Variants in SLC38A12 observed in about 807,000 individuals in gnomAD.
The protein encoded by SLC38A12 is putative sodium-coupled neutral amino acid transporter 12.
chr17:74,817,322 C>T, the SLC38A12 span, among the ~76,000 whole-genome samples: 1 of 152,130 alleles, frequency 6.6e-6, no homozygotes, highest in Non-Finnish European at 1.5e-5. Context: ...GTCTGTACTC[C>T]TGAGCATGAA....
chr17:74,782,781 T>C, the SLC38A12 span, among the ~76,000 whole-genome samples: 1 of 152,124 alleles, frequency 6.6e-6, no homozygotes, highest in South Asian at 2.1e-4. Flanking sequence ...AACCAAAGCA[T>C]AGGAAGATGA....
At chr17:74,791,696 G>T in the SLC38A12 span, among the ~76,000 whole-genome samples, 2 of 152,374 alleles carry the variant, frequency 1.3e-5, no homozygotes, top group African/African-American at 2.4e-5. Flanking sequence ...TGCTGAGTGA[G>T]ACCGGAGCCC....
chr17:74,802,864 C>T, the SLC38A12 span, among the ~76,000 whole-genome samples: 14 of 152,088 alleles, frequency 9.2e-5, no homozygotes, highest in Admixed American at 4.6e-4. Context: ...ACTTCCTACC[C>T]GCAGCAAGCC....
At chr17:74,816,349 C>G in the SLC38A12 span, among the ~76,000 whole-genome samples, 2 of 152,324 alleles carry the variant, frequency 1.3e-5, no homozygotes, top group South Asian at 4.1e-4. Context: ...TCAGAGATTG[C>G]TGGAAGTCTG....
At chr17:74,791,157 A>G in the SLC38A12 span, 1 of 820,460 alleles carries the variant, frequency 1.2e-6, no homozygotes, top group Non-Finnish European at 1.9e-6. Context: ...AGCAGGTGGT[A>G]GAGCTGCTCC....
chr17:74,815,345 A>T, the SLC38A12 span, among the ~76,000 whole-genome samples: 1 of 152,172 alleles, frequency 6.6e-6, no homozygotes, highest in South Asian at 2.1e-4. Context: ...CGGCCTTGGG[A>T]TTGGCTGTGA....
chr17:74,787,628 CAA>C, the SLC38A12 span, among the ~76,000 whole-genome samples: 130 of 129,312 alleles, frequency 1.0e-3, no homozygotes, highest in South Asian at 7.7e-4. Context: ...GACTCCGTCT[CAA>C]AAAAAAAAAA....
the SLC38A12 span, among the ~76,000 whole-genome samples, chr17:74,800,672 T>C: frequency 3.3e-5 from 5 of 152,374 alleles, no homozygotes; most frequent in Admixed American, 6.5e-5. Flanking sequence ...CTGGGGACAC[T>C]GTGCCGCCTG....
chr17:74,811,610 A>G, the SLC38A12 span, among the ~76,000 whole-genome samples: 1 of 152,116 alleles, frequency 6.6e-6, no homozygotes, highest in Middle Eastern at 3.4e-3. Flanking sequence ...AGCCCCAGCT[A>G]CCTGGGAGGC....
the SLC38A12 span, among the ~76,000 whole-genome samples, chr17:74,830,352 G>A: frequency 6.6e-6 from 1 of 152,246 alleles, no homozygotes; most frequent in African/African-American, 2.4e-5. Context: ...CCGTTTGGCA[G>A]GTGTTCAGAG....
chr17:74,776,643 G>GGGCGA, the SLC38A12 span: 1 of 152,522 alleles, frequency 6.6e-6, no homozygotes, highest in Middle Eastern at 3.4e-3. Context: ...GGTTGGGGCG[G>GGGCGA]GGCGGGGCGG....
chr17:74,781,444 C>T, the SLC38A12 span, among the ~76,000 whole-genome samples: 1 of 152,084 alleles, frequency 6.6e-6, no homozygotes, highest in Non-Finnish European at 1.5e-5. Context: ...GCCACCGTCC[C>T]CGGCTAATAT....
At chr17:74,824,601 G>A in the SLC38A12 span, among the ~76,000 whole-genome samples, 3,237 of 152,250 alleles carry the variant, frequency 0.021, 105 homozygotes, top group African/African-American at 0.073. Flanking sequence ...ATTAAAATCC[G>A]GATTCTTTTT....
the SLC38A12 span, among the ~76,000 whole-genome samples, chr17:74,817,334 C>T: frequency 5.3e-5 from 8 of 152,090 alleles, no homozygotes; most frequent in African/African-American, 1.9e-4. Flanking sequence ...GAGCATGAAA[C>T]GAAAAAGAAG....
At chr17:74,795,007 TTC>T in the SLC38A12 span, 1 of 1,613,302 alleles carries the variant, frequency 6.2e-7, no homozygotes, top group Non-Finnish European at 8.5e-7. Context: ...CTGTGTTCCT[TTC>T]AGTGGGGGTC....
the SLC38A12 span, among the ~76,000 whole-genome samples, chr17:74,832,328 T>G: frequency 6.6e-6 from 1 of 152,104 alleles, no homozygotes; most frequent in Non-Finnish European, 1.5e-5. Context: ...CCCTTCACTC[T>G]CCACTCCCAG....
At chr17:74,810,190 A>G in the SLC38A12 span, among the ~76,000 whole-genome samples, 34 of 152,198 alleles carry the variant, frequency 2.2e-4, no homozygotes, top group Non-Finnish European at 4.6e-4. Context: ...GTGAGCAGCC[A>G]TGGTTTTTTA....
the SLC38A12 span, among the ~76,000 whole-genome samples, chr17:74,801,520 A>G: frequency 1.3e-5 from 2 of 152,062 alleles, no homozygotes; most frequent in African/African-American, 4.8e-5. Context: ...AGCCCCTGAG[A>G]TGCATGTGCC....
At chr17:74,795,044 GTTTACCT>G in the SLC38A12 span, 2 of 1,613,978 alleles carry the variant, frequency 1.2e-6, no homozygotes, top group Non-Finnish European at 8.5e-7. Context: ...CTGCATCATC[GTTTACCT>G]GTATGGAGAC....
Sources: allele counts gnomAD v4.1 joint callset (sites outside exome capture counted in the v4.1 genomes callset), GRCh38; gene constraint gnomAD v4.1.1; transcripts MANE v1.5; gene names NCBI Gene and HGNC (gene_info 2026-07-23, HGNC 2026-07-21).